Variants in MED28 observed in about 807,000 individuals in gnomAD.
MED28 encodes mediator of RNA polymerase II transcription subunit 28.
MED28 carries 26 observed loss-of-function variants against 21.3 expected under a neutral mutation model. The observed-to-expected ratio is 1.22, with a 90% CI of 0.89 to 1.69. MED28 has a LOEUF of 1.69. Ranked by LOEUF, MED28 falls within the 40% of genes most tolerant of loss-of-function variation. MED28 has a pLI of 0.00. For synonymous variants in MED28, 110 were observed against 87.6 expected, an observed-to-expected ratio of 1.26 and a Z score of -1.43; for missense variants, 257 against 215.4, an observed-to-expected ratio of 1.19 and a Z score of -1.21.
At position 17,633,845 on chromosome 4, in the gene MED28, G is replaced by C; in HGVS notation, c.*10047G>C. 1 of 1,551,330 alleles carries C rather than the reference G, an allele frequency of 6.4e-7. No homozygotes were observed. Among genetic ancestry groups the C allele is most frequent in the Admixed American group, 2.0e-5 (1 of 50,956 alleles). ...GTTCTTTGCATAGGAGGCGAGGTTC[G>C]GCACGCTGACCACGCGGCTGGGCAC... On this transcript the variant is annotated 3_prime_UTR_variant, in exon 4 of 4. Transcript: ENST00000237380.
At chr4:17,619,869 A>G (rs1560157311) in intron 1 of MED28, 32 bp from the exon 2 acceptor site, 3 of 1,599,138 alleles carry the variant, frequency 1.9e-6, no homozygotes, top group Non-Finnish European at 2.6e-6. Flanking sequence ...TATAAATGAT[A>G]TTTTTTTCTT....
At position 17,625,152 on chromosome 4, in the gene MED28, C is replaced by T. The variant is rs920845707; in HGVS notation, c.*1354C>T. ...CAGGACTTTGATCTCTTCTGTTGCCCTCGCTAGGTTCTCCCTGGTGGGTTA... is the reference window on the plus strand; with the variant it reads ...CAGGACTTTGATCTCTTCTGTTGCCTTCGCTAGGTTCTCCCTGGTGGGTTA... On this transcript the variant is annotated 3_prime_UTR_variant, in exon 4 of 4. Transcript: ENST00000237380. The T allele has an allele frequency of 6.5e-6, 1 of 152,816 alleles. No homozygotes were observed. Among genetic ancestry groups the T allele is most frequent in the Non-Finnish European group, 1.5e-5 (1 of 68,570 alleles). The allele number at this position is 152,816 out of a possible 1,614,324, so 9.5% of individuals were successfully genotyped here. A position where few individuals can be genotyped will look rare whatever the true frequency, so the allele number is the denominator to read the frequency against.
chr4:17,624,484 A>G lies in MED28; in HGVS notation c.*686A>G, dbSNP rs1440700412. 6.6e-5 allele frequency: 10 copies of G among 152,088 alleles called. No homozygotes were observed. The highest frequency in any genetic ancestry group is 5.2e-4 in the Admixed American group (8 of 15,260). The allele number at this position is 152,088 out of a possible 1,614,324, so 9.4% of individuals were successfully genotyped here. A position where few individuals can be genotyped will look rare whatever the true frequency, so the allele number is the denominator to read the frequency against. On this transcript the variant is annotated 3_prime_UTR_variant, in exon 4 of 4. Coordinates refer to ENST00000237380, the MANE Select transcript of MED28 (RefSeq NM_025205.5). ...CTTTTTTTTTTTGACATAGAAGGAT[A>G]TAGTGGGAGCAGTGATACGCTAACA...
At position 17,623,646 on chromosome 4, in the gene MED28, G is replaced by T; in HGVS notation, c.385G>T (p.Val129Phe). The T allele has an allele frequency of 6.2e-7, 1 of 1,614,188 alleles. No homozygotes were observed. ...RNELQRKDAL[V>F]QKHLTKLRHW... ...TGAATTACAGCGGAAAGATGCACTA[G>T]TCCAGAAGCACTTGACAAAGCTGAG... is the stretch of plus-strand genomic sequence containing the variant. The change falls in exon 4 of 4, where the codon GTC becomes TTC. Residue 129 changes from valine to phenylalanine, a missense_variant. Physicochemically the swap from Val to Phe is conservative, Grantham distance 50. Transcript: ENST00000237380.
intron 1 of MED28, among the ~76,000 whole-genome samples, chr4:17,616,035 A>G (rs1714440937): frequency 6.6e-6 from 1 of 151,866 alleles, no homozygotes; most frequent in Admixed American, 6.6e-5. Context: ...ATTTCGGCTT[A>G]CTGCAACCTC....
At chr4:17,616,084 C>A (rs912781662) in intron 1 of MED28, among the ~76,000 whole-genome samples, 1 of 152,070 alleles carries the variant, frequency 6.6e-6, no homozygotes, top group Non-Finnish European at 1.5e-5. Flanking sequence ...CCTCAGCCTC[C>A]CGAGTTGCTG....
At chr4:17,622,178 G>GA (rs976841026) in intron 3 of MED28, among the ~76,000 whole-genome samples, 25 of 152,134 alleles carry the variant, frequency 1.6e-4, no homozygotes, top group Admixed American at 1.6e-3. Context: ...GTGTGTTGGG[G>GA]TTGCCACGAT....
At chr4:17,620,165 T>G in intron 2 of MED28, 198 bp downstream of exon 2, 3 of 584,022 alleles carry the variant, frequency 5.1e-6, no homozygotes, top group Middle Eastern at 2.7e-4. Context: ...AACGAATCAT[T>G]TATAATGAAC....
rs1023671290 is a variant in MED28 at position 17,627,969 on chromosome 4, C to G, written c.*4171C>G. Reference sequence around the variant, plus strand: ...TGTCAGACCTACATCATAGGCTCTTCCTGTCTTCTGTTTCCTCTCCCCTTT... The same window carrying G: ...TGTCAGACCTACATCATAGGCTCTTGCTGTCTTCTGTTTCCTCTCCCCTTT... On this transcript the variant is annotated 3_prime_UTR_variant, in exon 4 of 4. Coordinates refer to ENST00000237380, the MANE Select transcript of MED28 (RefSeq NM_025205.5). 6.6e-6 allele frequency: 1 copy of G among 152,212 alleles called. No individual in the cohort carries two copies. The highest frequency in any genetic ancestry group is 1.5e-5 in the Non-Finnish European group (1 of 68,088). The allele number at this position is 152,212 out of a possible 1,614,324, so 9.4% of individuals were successfully genotyped here.
In MED28 at chr4:17,614,711, C is replaced by T; in HGVS notation, c.57C>T (p.Ala19=). The change falls in exon 1 of 4, where the codon GCC becomes GCT. Residue 19 remains alanine (A), a synonymous_variant. Transcript: ENST00000237380. ...GGCAGCCACCCGGTCCCCCTCAGGC[C>T]CCGCCGGGCCTTCCGGGCCAAGCTT... ...FSGQPPGPPQ[A]PPGLPGQASL... is the part of the protein sequence containing the mutation. The T allele has an allele frequency of 6.2e-7, 1 of 1,614,216 alleles. No homozygotes were observed.
Position 17,630,933 on chromosome 4 carries a change from G to T in MED28, c.*7135G>T, listed in dbSNP as rs1249577888. ...TTCAAAGTTTTATTCAAAGAGCAAAGATTTGACAATGCATAGAATTAACAT... is the reference window on the plus strand; with the variant it reads ...TTCAAAGTTTTATTCAAAGAGCAAATATTTGACAATGCATAGAATTAACAT... On this transcript the variant is annotated 3_prime_UTR_variant, in exon 4 of 4. Transcript: ENST00000237380. The T allele has an allele frequency of 6.6e-6, 1 of 152,174 alleles. No homozygotes were observed. Among genetic ancestry groups the T allele is most frequent in the Non-Finnish European group, 1.5e-5 (1 of 68,024 alleles). The allele number at this position is 152,174 out of a possible 1,614,324, so 9.4% of individuals were successfully genotyped here. A position where few individuals can be genotyped will look rare whatever the true frequency, so the allele number is the denominator to read the frequency against.
rs1470835766 is a variant in MED28, at chr4:17,632,689, C to A, written c.*8891C>A. The A allele has an allele frequency of 2.8e-6, 3 of 1,086,246 alleles. No individual in the cohort carries two copies. The Admixed American group carries it at 7.0e-5, about 25-fold the overall frequency. 67.3% of individuals were successfully genotyped at this position (1,086,246 alleles called of 1,614,324 possible). A position where few individuals can be genotyped will look rare whatever the true frequency, so the allele number is the denominator to read the frequency against. On this transcript the variant is annotated 3_prime_UTR_variant, in exon 4 of 4. Coordinates refer to ENST00000237380, the MANE Select transcript of MED28 (RefSeq NM_025205.5). ...ACTATGCAAGAAGCAGCTTAATACC[C>A]ACCATCTTTTCAGGGAAAGATAACT...
rs6825562 is a variant in MED28, at chr4:17,632,590, A to G, written c.*8792A>G. ...GTGCGGAGAGCCCTGTTTCTGCTGGACTTCTTTGGCTTGGGCCGTTTCACC... is the reference window on the plus strand; with the variant it reads ...GTGCGGAGAGCCCTGTTTCTGCTGGGCTTCTTTGGCTTGGGCCGTTTCACC... On this transcript the variant is annotated 3_prime_UTR_variant, in exon 4 of 4. Transcript: ENST00000237380. The G allele has an allele frequency of 1, 1,548,006 of 1,551,380 alleles. 772,382 individuals are homozygous for G. The highest frequency in any genetic ancestry group is 1 in the East Asian group (40,908 of 40,908).
chr4:17,632,458 G>C lies in MED28; in HGVS notation c.*8660G>C. ...CATATTATTTGGTTGGTTGGTGTTA[G>C]TTCATTCCTTCAATCGGATGATTTA... On this transcript the variant is annotated 3_prime_UTR_variant, in exon 4 of 4. Coordinates refer to ENST00000237380, the MANE Select transcript of MED28 (RefSeq NM_025205.5). 1 of 1,282,070 alleles carries C rather than the reference G, an allele frequency of 7.8e-7. No individual in the cohort carries two copies. Among genetic ancestry groups the C allele is most frequent in the Non-Finnish European group, 1.1e-6 (1 of 918,248 alleles). 79.4% of individuals were successfully genotyped at this position (1,282,070 alleles called of 1,614,324 possible).
At chr4:17,617,329 C>G (rs1245918809) in intron 1 of MED28, among the ~76,000 whole-genome samples, 1 of 152,254 alleles carries the variant, frequency 6.6e-6, no homozygotes, top group East Asian at 1.9e-4. Context: ...TACTTACCTG[C>G]TTCTCATTCC....
chr4:17,634,041 T>C lies in MED28; in HGVS notation c.*10243T>C, dbSNP rs1022121729. 1 of 522,622 alleles carries C rather than the reference T, an allele frequency of 1.9e-6. No individual in the cohort carries two copies. Among genetic ancestry groups the C allele is most frequent in the South Asian group, 5.1e-5 (1 of 19,512 alleles). The allele number at this position is 522,622 out of a possible 1,614,324, so 32.4% of individuals were successfully genotyped here. On this transcript the variant is annotated 3_prime_UTR_variant, in exon 4 of 4. Coordinates refer to ENST00000237380, the MANE Select transcript of MED28 (RefSeq NM_025205.5). ...ACTTACATGCTATTTTTTAAAGCACTTTTCCCTCCAATCTTCATTTTGTAT... is the reference window on the plus strand; with the variant it reads ...ACTTACATGCTATTTTTTAAAGCACCTTTCCCTCCAATCTTCATTTTGTAT...
rs1714718305 is a variant in MED28 at position 17,624,288 on chromosome 4, A to G, written c.*490A>G. On this transcript the variant is annotated 3_prime_UTR_variant, in exon 4 of 4. Transcript: ENST00000237380. Reference sequence around the variant, plus strand: ...GACTTTGAACTACCTCAAGAAGAGGAATCTAATACAATATTTGTAATGTTT... The same window carrying G: ...GACTTTGAACTACCTCAAGAAGAGGGATCTAATACAATATTTGTAATGTTT... 6.2e-6 allele frequency: 1 copy of G among 162,464 alleles called. No homozygotes were observed. Among genetic ancestry groups the G allele is most frequent in the Admixed American group, 5.7e-5 (1 of 17,530 alleles). The allele number at this position is 162,464 out of a possible 1,614,324, so 10.1% of individuals were successfully genotyped here.
At position 17,627,390 on chromosome 4, in the gene MED28, C is replaced by T. The variant is rs1170595206; in HGVS notation, c.*3592C>T. Reference sequence around the variant, plus strand: ...CAGGCATGAGCCACCGTGCCCAGCCCATCTTCATCTTCTTTACTTGAACTT... The same window carrying T: ...CAGGCATGAGCCACCGTGCCCAGCCTATCTTCATCTTCTTTACTTGAACTT... On this transcript the variant is annotated 3_prime_UTR_variant, in exon 4 of 4. Coordinates refer to ENST00000237380, the MANE Select transcript of MED28 (RefSeq NM_025205.5). 5.9e-5 allele frequency: 9 copies of T among 152,416 alleles called. No individual in the cohort carries two copies. The highest frequency in any genetic ancestry group is 9.7e-5 in the African/African-American group (4 of 41,436). The allele number at this position is 152,416 out of a possible 1,614,324, so 9.4% of individuals were successfully genotyped here.
At position 17,614,729 on chromosome 4, in the gene MED28, C is replaced by A. The variant is rs202204291; in HGVS notation, c.75C>A (p.Gly25=). ...GPPQAPPGLP[G]QASLLQAAPG... ...CTCAGGCCCCGCCGGGCCTTCCGGGCCAAGCTTCGCTTCTTCAGGCAGCTC... is the reference window on the plus strand; with the variant it reads ...CTCAGGCCCCGCCGGGCCTTCCGGGACAAGCTTCGCTTCTTCAGGCAGCTC... Residue 25 remains glycine, a synonymous_variant, in exon 1 of 4, where the codon GGC becomes GGA. Coordinates refer to ENST00000237380, the MANE Select transcript of MED28 (RefSeq NM_025205.5). 6.2e-7 allele frequency: 1 copy of A among 1,614,254 alleles called. No homozygotes were observed. The highest frequency in any genetic ancestry group is 8.5e-7 in the Non-Finnish European group (1 of 1,180,042).
Sources: gnomAD v4.1 joint callset for allele counts (sites outside exome capture counted in the v4.1 genomes callset) on GRCh38, gnomAD v4.1.1 for gene constraint, MANE v1.5 for transcripts, NCBI Gene and HGNC (gene_info 2026-07-23, HGNC 2026-07-21) for gene names.